The following HNRNPA1L2 variants were observed in gnomAD, a reference collection of about 807,000 sequenced individuals.
HNRNPA1L2 encodes heterogeneous nuclear ribonucleoprotein A1-like 2.
In HNRNPA1L2, 10 loss-of-function variants were observed where a neutral mutation model predicts 18.2. That is an observed-to-expected ratio of 0.55 (90% confidence interval 0.34 to 0.93). The LOEUF (loss-of-function observed/expected upper bound fraction) is 0.93. HNRNPA1L2 is among the 40% of genes least tolerant of loss of function. The pLI is 0.02. For synonymous variants in HNRNPA1L2, 124 were observed against 138.6 expected, an observed-to-expected ratio of 0.89 and a Z score of 0.74; for missense variants, 308 against 394.4, an observed-to-expected ratio of 0.78 and a Z score of 1.85.
In HNRNPA1L2 at chr13:52,642,761, T is replaced by C; in HGVS notation, c.269T>C (p.Val90Ala). The change falls in exon 1 of 1, where the codon GTC becomes GCC. Residue 90 changes from valine (V) to alanine (A), a missense_variant. Val to Ala is a moderately conservative substitution (Grantham distance 64). Transcript: ENST00000357495. ...DGRVVEPKRA[V>A]SREDSQRPGA... The stretch of plus-strand genomic sequence containing the variant: ...AGAGTTGTGGAACCAAAGAGAGCTG[T>C]CTCCAGAGAAGATTCTCAAAGACCA... 1 of 1,598,612 alleles carries C rather than the reference T, an allele frequency of 6.3e-7. No individual in the cohort carries two copies. The highest frequency in any genetic ancestry group is 8.5e-7 in the Non-Finnish European group (1 of 1,179,748).
chr13:52,631,170 C>T, the HNRNPA1L2 span, among the ~76,000 whole-genome samples: 4 of 152,142 alleles, frequency 2.6e-5, no homozygotes, highest in Admixed American at 2.0e-4. Flanking sequence ...GGACTTATTG[C>T]TTCTGTTGGA....
At chr13:52,619,396 T>G in the HNRNPA1L2 span, among the ~76,000 whole-genome samples, 2 of 152,102 alleles carry the variant, frequency 1.3e-5, no homozygotes, top group Admixed American at 6.6e-5. Context: ...CGCTGCAACC[T>G]CTGCCTCCCT....
the HNRNPA1L2 span, among the ~76,000 whole-genome samples, chr13:52,618,043 T>C: frequency 3.9e-5 from 6 of 152,334 alleles, no homozygotes; most frequent in South Asian, 8.3e-4. Context: ...TTTAGTTCAT[T>C]ATTGGAAAAC....
rs760820684 is a variant in HNRNPA1L2 at position 52,642,919 on chromosome 13, G to A, written c.427G>A (p.Gly143Ser). Reference sequence around the variant, plus strand: ...TGAAATCATGACTGACCGAGGCAGTGGCAAGAAAAGGGGCTTTGCCTTTGT... The same window carrying A: ...TGAAATCATGACTGACCGAGGCAGTAGCAAGAAAAGGGGCTTTGCCTTTGT... ...VIEIMTDRGS[G>S]KKRGFAFVTF... is the part of the protein sequence containing the mutation. The change falls in exon 1 of 1, where the codon GGC becomes AGC. Residue 143 changes from glycine (G) to serine (S), a missense_variant. Physicochemically the swap from Gly to Ser is moderately conservative, Grantham distance 56. Transcript: ENST00000357495. 1.3e-5 allele frequency: 21 copies of A among 1,596,930 alleles called. No individual in the cohort carries two copies. Among genetic ancestry groups the A allele is most frequent in the South Asian group, 2.2e-5 (2 of 90,990 alleles).
At chr13:52,634,989 T>A in the HNRNPA1L2 span, among the ~76,000 whole-genome samples, 15 of 152,332 alleles carry the variant, frequency 9.8e-5, no homozygotes, top group African/African-American at 3.6e-4. Context: ...CTAATGATGA[T>A]GGAAAAGACA....
upstream of HNRNPA1L2, among the ~76,000 whole-genome samples, chr13:52,638,074 T>C (rs1400869948): frequency 6.6e-6 from 1 of 152,160 alleles, no homozygotes; most frequent in East Asian, 1.9e-4. Flanking sequence ...ACTGAGACAA[T>C]CAAATAGGGA....
chr13:52,620,864 C>T, the HNRNPA1L2 span, among the ~76,000 whole-genome samples: 2 of 146,574 alleles, frequency 1.4e-5, no homozygotes, highest in Non-Finnish European at 3.0e-5. Flanking sequence ...TGTGACAGAG[C>T]GAGACCCTGT....
chr13:52,638,199 C>T (rs1328278477), upstream of HNRNPA1L2, among the ~76,000 whole-genome samples: 1 of 152,100 alleles, frequency 6.6e-6, no homozygotes, highest in African/African-American at 2.4e-5. Context: ...CTTTTAATGT[C>T]CCTGTTATCC....
chr13:52,628,339 G>A, the HNRNPA1L2 span, among the ~76,000 whole-genome samples: 1 of 152,014 alleles, frequency 6.6e-6, no homozygotes, highest in Non-Finnish European at 1.5e-5. Flanking sequence ...GCTACTTTGG[G>A]GGCTAAGGCT....
chr13:52,617,618 C>T, the HNRNPA1L2 span: 1 of 473,994 alleles, frequency 2.1e-6, no homozygotes, highest in African/African-American at 2.0e-5. Flanking sequence ...CCCTTTGTCC[C>T]CTGGAAGCCC....
At chr13:52,631,047 G>A in the HNRNPA1L2 span, among the ~76,000 whole-genome samples, 4 of 152,212 alleles carry the variant, frequency 2.6e-5, no homozygotes, top group South Asian at 6.3e-4. Flanking sequence ...CCTTCAGTGT[G>A]TTAAAAAGCC....
chr13:52,621,534 A>G, the HNRNPA1L2 span, among the ~76,000 whole-genome samples: 2 of 152,180 alleles, frequency 1.3e-5, no homozygotes, highest in Non-Finnish European at 2.9e-5. Flanking sequence ...ACCATGTCAG[A>G]GTTTTTCTAC....
chr13:52,623,841 G>A, the HNRNPA1L2 span, among the ~76,000 whole-genome samples: 37 of 152,286 alleles, frequency 2.4e-4, 2 homozygotes, highest in Admixed American at 1.8e-3. Context: ...TAGCAGTTTG[G>A]CTGGAACACA....
chr13:52,622,811 A>G, the HNRNPA1L2 span, among the ~76,000 whole-genome samples: 4 of 151,906 alleles, frequency 2.6e-5, no homozygotes, highest in Non-Finnish European at 5.9e-5. Context: ...ATTTAATTCT[A>G]AGTGCAATCA....
chr13:52,635,575 AACACACACACACACACACACAC>A, the HNRNPA1L2 span, among the ~76,000 whole-genome samples: 78 of 143,352 alleles, frequency 5.4e-4, 1 homozygote, highest in South Asian at 1.4e-3. Context: ...GTCCTTTTGC[AACACACACACACACACACACAC>A]ACACACACAC....
chr13:52,628,926 A>G, the HNRNPA1L2 span, among the ~76,000 whole-genome samples: 2 of 152,076 alleles, frequency 1.3e-5, no homozygotes, highest in Non-Finnish European at 2.9e-5. Flanking sequence ...CCTCGGCTGG[A>G]CTGCAATGGT....
At chr13:52,628,270 C>G in the HNRNPA1L2 span, among the ~76,000 whole-genome samples, 1 of 152,062 alleles carries the variant, frequency 6.6e-6, no homozygotes, top group African/African-American at 2.4e-5. Context: ...AAACAAGACC[C>G]CATCTTTACA....
At position 52,643,405 on chromosome 13, in the gene HNRNPA1L2, T is replaced by C. The variant is rs548563026; in HGVS notation, c.913T>C (p.Tyr305His). The change falls in exon 1 of 1, where the codon TAT becomes CAT. Residue 305 changes from tyrosine to histidine, a missense_variant. Coordinates refer to ENST00000357495, the MANE Select transcript of HNRNPA1L2 (RefSeq NM_001389320.1). ...YFAKPQNQGG[Y>H]GVSSSSSSYG... The stretch of plus-strand genomic sequence containing the variant: ...TGCAAAACCACAAAACCAAGGTGGC[T>C]ATGGCGTTTCCAGCAGCAGCAGTAG... 74 of 1,598,700 alleles carry C rather than the reference T, an allele frequency of 4.6e-5. 1 individual carries two copies. The South Asian group carries it at 7.5e-4, about 16-fold the overall frequency.
the HNRNPA1L2 span, among the ~76,000 whole-genome samples, chr13:52,622,685 T>A: frequency 5.9e-5 from 9 of 152,228 alleles, no homozygotes; most frequent in African/African-American, 1.9e-4. Context: ...TGGAATAAAG[T>A]TTAGCACGTT....
Sources: allele counts gnomAD v4.1 joint callset (sites outside exome capture counted in the v4.1 genomes callset), GRCh38; gene constraint gnomAD v4.1.1; transcripts MANE v1.5; gene names NCBI Gene and HGNC (gene_info 2026-07-23, HGNC 2026-07-21).